The following PHKG1 variants were observed in gnomAD, a reference collection of about 807,000 sequenced individuals.
PHKG1 encodes phosphorylase b kinase gamma catalytic chain, skeletal muscle/heart isoform.
In PHKG1, 48 loss-of-function variants were observed where a neutral mutation model predicts 50.5. The ratio of observed to expected loss-of-function variants is 0.95; its 90% CI spans 0.75 to 1.21. The LOEUF (loss-of-function observed/expected upper bound fraction) is 1.21. PHKG1 is among the 50% of genes most tolerant of loss of function. The pLI is 0.00. For synonymous variants in PHKG1, 204 were observed against 212.8 expected, an observed-to-expected ratio of 0.96 and a Z score of 0.36; for missense variants, 487 against 519.5, an observed-to-expected ratio of 0.94 and a Z score of 0.61.
At chr7:56,090,211 G>T (rs1395893542) in intron 1 of PHKG1, among the ~76,000 whole-genome samples, 1 of 151,968 alleles carries the variant, frequency 6.6e-6, no homozygotes, top group Non-Finnish European at 1.5e-5. Context: ...CACCTCCAAG[G>T]TTCAAGCAAT....
At chr7:56,087,057 G>C in intron 3 of PHKG1, 33 bp from the exon 4 acceptor site, 1 of 1,589,390 alleles carries the variant, frequency 6.3e-7, no homozygotes, top group Non-Finnish European at 8.6e-7. Context: ...GTCTCAAGTA[G>C]CAGGGGAGCC....
intron 1 of PHKG1, 65 bp from the exon 2 acceptor site, chr7:56,089,040 G>T: frequency 1.3e-6 from 1 of 746,554 alleles, no homozygotes; most frequent in Non-Finnish European, 2.4e-6. Flanking sequence ...CTTGGGGTCT[G>T]GAACTGTTTC....
intron 1 of PHKG1, 134 bp from the exon 2 acceptor site, chr7:56,089,109 T>C (rs1263577349): frequency 5.4e-6 from 3 of 556,426 alleles, no homozygotes; most frequent in Non-Finnish European, 9.6e-6. Flanking sequence ...TCCAAATAAA[T>C]GTTTGTGAAT....
Position 56,081,927 on chromosome 7 carries a change from T to A in PHKG1, c.758A>T (p.Glu253Val), listed in dbSNP as rs375001435. The A allele has an allele frequency of 5.3e-5, 85 of 1,613,440 alleles. No homozygotes were observed. Among genetic ancestry groups the A allele is most frequent in the Non-Finnish European group, 6.9e-5 (82 of 1,179,974 alleles). Residue 253 changes from glutamate to valine, a missense_variant, in exon 8 of 10, where the codon GAG becomes GTG. Coordinates refer to ENST00000297373, the MANE Select transcript of PHKG1 (RefSeq NM_006213.5). This position sits in a 1 kb window ranked among gnomAD's most constrained non-coding sequence, Gnocchi z 4.6. The part of the protein sequence containing the change: ...MSGNYQFGSP[E>V]WDDYSDTVKD... ...CACGGTGTCCGAGTAATCATCCCAC[T>A]CGGGCGAGCCAAACTGGTAGTTGCC...
intron 2 of PHKG1, 104 bp downstream of exon 2, chr7:56,088,755 G>C: frequency 1.4e-6 from 1 of 717,030 alleles, no homozygotes; most frequent in Non-Finnish European, 2.5e-6. Context: ...AGCACTTTGG[G>C]GATGAAAGTG....
chr7:56,088,798 G>A, intron 2 of PHKG1, 61 bp downstream of exon 2: 1 of 1,160,872 alleles, frequency 8.6e-7, no homozygotes, highest in African/African-American at 1.5e-5. Context: ...AGAGCTGGCT[G>A]TAGCCCACAG....
In PHKG1 at chr7:56,081,737, C is replaced by T. The variant is rs199932685; in HGVS notation, c.811G>A (p.Val271Met). Residue 271 changes from valine (V) to methionine (M), a missense_variant, in exon 9 of 10, where the codon GTG becomes ATG. Physicochemically the swap from Val to Met is conservative, Grantham distance 21 (BLOSUM62 1). Transcript: ENST00000297373. The surrounding 1 kb of genome is among the most constrained non-coding windows in gnomAD (Gnocchi z 4.6). ...GCTGTGTAGCGGTTCTGGGGTTGCA[C>T]CACCAGGAATCGGGAGACCTGTGAG... Reference protein sequence around the residue: ...VKDLVSRFLVVQPQNRYTAEE... With the variant: ...VKDLVSRFLVMQPQNRYTAEE... 9.3e-6 allele frequency: 15 copies of T among 1,613,538 alleles called. No individual in the cohort carries two copies. Among genetic ancestry groups the T allele is most frequent in the Admixed American group, 3.3e-5 (2 of 59,976 alleles).
intron 3 of PHKG1, 70 bp downstream of exon 3, chr7:56,087,528 C>T (rs1796307838): frequency 6.7e-7 from 1 of 1,502,904 alleles, no homozygotes; most frequent in Non-Finnish European, 9.1e-7. Flanking sequence ...GGGCCACACT[C>T]CCTGGCTTGG....
rs1216409394 is a variant in PHKG1 at position 56,088,862 on chromosome 7, C to G, written c.80G>C (p.Gly27Ala). 3 of 1,611,416 alleles carry G rather than the reference C, an allele frequency of 1.9e-6. No individual in the cohort carries two copies. ...YENYEPKEIL[G>A]RGVSSVVRRC... ...GTGGGGAAAGCTTGGGCTTTACCTG[C>G]CCAGGATCTCTTTGGGCTCATAATT... The change falls in exon 2 of 10, where the codon GGC (glycine) becomes GCC (alanine). Residue 27 changes from glycine (G) to alanine (A), a missense_variant. By Grantham distance (60) the Gly-to-Ala change is moderately conservative. Coordinates refer to ENST00000297373, the MANE Select transcript of PHKG1 (RefSeq NM_006213.5).
Position 56,083,678 on chromosome 7 carries a change from T to A in PHKG1, c.355A>T (p.Lys119Ter), listed in dbSNP as rs111589508. 1.3e-6 allele frequency: 2 copies of A among 1,586,044 alleles called. No homozygotes were observed. The highest frequency in any genetic ancestry group is 2.7e-5 in the African/African-American group (2 of 74,470). The change falls in exon 5 of 10, where the codon AAG becomes TAG. Residue 119 changes from lysine (K) to a stop codon, truncating the protein, a stop_gained. Transcript: ENST00000297373. LOFTEE classifies it high-confidence loss of function. Reference sequence around the variant, plus strand: ...GTTTCCTTCTCACTCAAGGTGACCTTCTCAGTGAGGTAGTCAAAGAGCTCC... The same window carrying A: ...GTTTCCTTCTCACTCAAGGTGACCTACTCAGTGAGGTAGTCAAAGAGCTCC... ...RGELFDYLTE[K>*]VTLSEKETRK...
At position 56,087,051 on chromosome 7, in the gene PHKG1, C is replaced by G; in HGVS notation, c.263-27G>C. 1 of 1,599,316 alleles carries G rather than the reference C, an allele frequency of 6.3e-7. No individual in the cohort carries two copies. On this transcript the variant is annotated intron_variant, in intron 3 of 9. Transcript: ENST00000297373. The stretch of plus-strand genomic sequence containing the variant: ...TGAAATGGAAATGGCTAGCTTGTCT[C>G]AAGTAGCAGGGGAGCCCAGGCAGGG...
Position 56,081,319 on chromosome 7 carries a change from A to C in PHKG1, c.919-20T>G. On this transcript the variant is annotated intron_variant, in intron 9 of 9. Coordinates refer to ENST00000297373, the MANE Select transcript of PHKG1 (RefSeq NM_006213.5). The surrounding 1 kb of genome is among the most constrained non-coding windows in gnomAD (Gnocchi z 4.6). ...GATCACCTGCAGGGCCAGGCGGAGA[A>C]GCTGGGCTGCAGCCCCCGCCCTGCC... The C allele has an allele frequency of 6.3e-7, 1 of 1,593,670 alleles. No individual in the cohort carries two copies. The highest frequency in any genetic ancestry group is 8.5e-7 in the Non-Finnish European group (1 of 1,175,164).
At position 56,082,037 on chromosome 7, in the gene PHKG1, A is replaced by T; in HGVS notation, c.648T>A (p.Thr216=). ...GYGKEVDMWS[T]GVIMYTLLAG... Reference sequence around the variant, plus strand: ...CCAGCAGCGTGTACATGATGACGCCAGTGCTCCACCTGGACATGCGAGGGC... The same window carrying T: ...CCAGCAGCGTGTACATGATGACGCCTGTGCTCCACCTGGACATGCGAGGGC... Residue 216 remains threonine (T), a synonymous_variant, in exon 8 of 10, where the codon ACT becomes ACA. Coordinates refer to ENST00000297373, the MANE Select transcript of PHKG1 (RefSeq NM_006213.5). 1 of 1,612,964 alleles carries T rather than the reference A, an allele frequency of 6.2e-7. No homozygotes were observed. The highest frequency in any genetic ancestry group is 8.5e-7 in the Non-Finnish European group (1 of 1,179,140).
rs1376031773 is a variant in PHKG1, at chr7:56,080,785, A to C, written c.*269T>G. 2.0e-6 allele frequency: 1 copy of C among 512,474 alleles called. No individual in the cohort carries two copies. The highest frequency in any genetic ancestry group is 3.5e-5 in the East Asian group (1 of 28,794). The allele number at this position is 512,474 out of a possible 1,614,324, so 31.7% of individuals were successfully genotyped here. ...AGATGGTGGCTCATCTAGGAAGTAG[A>C]GGAGCAGGGGGTTCCTGGTTCTCAG... On this transcript the variant is annotated 3_prime_UTR_variant, in exon 10 of 10. Transcript: ENST00000297373.
intron 4 of PHKG1, among the ~76,000 whole-genome samples, chr7:56,085,107 T>C (rs1217752099): frequency 6.6e-6 from 1 of 151,960 alleles, no homozygotes; most frequent in African/African-American, 2.4e-5. Context: ...ATTACAGATA[T>C]CTGTCACCAT....
chr7:56,087,920 T>G, intron 2 of PHKG1, 144 bp from the exon 3 acceptor site: 1 of 645,630 alleles, frequency 1.5e-6, no homozygotes, highest in Non-Finnish European at 2.7e-6. Flanking sequence ...AAATGGTGGA[T>G]GAATAAATAC....
intron 4 of PHKG1, chr7:56,084,361 A>G: frequency 5.8e-6 from 3 of 513,464 alleles, no homozygotes; most frequent in Non-Finnish European, 6.8e-6. Context: ...GAAGGACGTG[A>G]GTATCCCGAT....
Position 56,080,922 on chromosome 7 carries a change from A to G in PHKG1, c.*132T>C. 9.4e-7 allele frequency: 1 copy of G among 1,059,528 alleles called. No homozygotes were observed. The highest frequency in any genetic ancestry group is 1.3e-6 in the Non-Finnish European group (1 of 745,064). 65.6% of individuals were successfully genotyped at this position (1,059,528 alleles called of 1,614,324 possible). A position where few individuals can be genotyped will look rare whatever the true frequency, so the allele number is the denominator to read the frequency against. On this transcript the variant is annotated 3_prime_UTR_variant, in exon 10 of 10. Coordinates refer to ENST00000297373, the MANE Select transcript of PHKG1 (RefSeq NM_006213.5). The stretch of plus-strand genomic sequence containing the variant: ...GCCTTTGAGAGGGGATCGTGGCCTC[A>G]GTTCCAGGGGTTCCTGGCCAGGGCC...
In PHKG1 at chr7:56,083,700, C is replaced by G. The variant is rs781720110; in HGVS notation, c.333G>C (p.Glu111Asp). 5 of 1,580,376 alleles carry G rather than the reference C, an allele frequency of 3.2e-6. No individual in the cohort carries two copies. Among genetic ancestry groups the G allele is most frequent in the Admixed American group, 3.6e-5 (2 of 56,264 alleles). Reference protein sequence around the residue: ...FLVFDLMKRGELFDYLTEKVT... With the variant: ...FLVFDLMKRGDLFDYLTEKVT... ...CCTTCTCAGTGAGGTAGTCAAAGAG[C>G]TCCCCTCTCTTCATCCTGTGGAAAC... Residue 111 changes from glutamate (E) to aspartate (D), a missense_variant, in exon 5 of 10, where the codon GAG (glutamate) becomes GAC (aspartate). By Grantham distance (45) the Glu-to-Asp change is conservative (BLOSUM62 2). Coordinates refer to ENST00000297373, the MANE Select transcript of PHKG1 (RefSeq NM_006213.5).
Sources: gnomAD v4.1 joint callset for allele counts (sites outside exome capture counted in the v4.1 genomes callset) on GRCh38, gnomAD v4.1.1 for gene constraint, Gnocchi (gnomAD v3.1) non-coding constraint, MANE v1.5 for transcripts, NCBI Gene and HGNC (gene_info 2026-07-23, HGNC 2026-07-21) for gene names.